CAPN5: variants seen among roughly 807,000 people sequenced by gnomAD.
CAPN5 encodes calpain-5.
A neutral mutation model predicts 73.0 loss-of-function variants in CAPN5; 54 were observed. That is an observed-to-expected ratio of 0.74 (90% confidence interval 0.59 to 0.93). The LOEUF (loss-of-function observed/expected upper bound fraction) is 0.93. Ranked by LOEUF, CAPN5 falls within the 40% of genes least tolerant of loss-of-function variation. CAPN5 has a pLI of 0.00. For synonymous variants in CAPN5, 335 were observed against 356.9 expected (o/e 0.94, Z 0.69); for missense variants, 785 against 882.9 (o/e 0.89, Z 1.41).
intron 8 of CAPN5, among the ~76,000 whole-genome samples, 173 bp downstream of exon 8, chr11:77,118,525 A>C (rs542475556): frequency 1.3e-5 from 2 of 152,330 alleles, no homozygotes; most frequent in Non-Finnish European, 2.9e-5. Context: ...TCTGGGGGTC[A>C]TGAAGCCCCC....
At chr11:77,101,922 G>T (rs7943158) in intron 3 of CAPN5, among the ~76,000 whole-genome samples, 26,384 of 152,202 alleles carry the variant, frequency 0.17, 2,657 homozygotes, top group South Asian at 0.32. Flanking sequence ...AGTAAGTGGT[G>T]GGATTTGGGT....
chr11:77,081,454 C>T (rs10160739), intron 1 of CAPN5, among the ~76,000 whole-genome samples: 5 of 152,210 alleles, frequency 3.3e-5, no homozygotes, highest in Non-Finnish European at 5.9e-5. Flanking sequence ...GGTAGCCCCC[C>T]CATACCTGGC....
chr11:77,088,168 GGA>G, intron 2 of CAPN5: 1 of 1,211,562 alleles, frequency 8.3e-7, no homozygotes, highest in Non-Finnish European at 1.1e-6. Context: ...AATGCACAGG[GGA>G]CAAGGTGGGG....
Position 77,093,749 on chromosome 11 carries a change from TG to T in CAPN5, c.236del (p.Gly79AlafsTer84). ...TCCCACGACCTGCACCAGGGCCAGG[TG>T]GGCAACTGCTGGTTTGTGGCAGCCT... ...ISSHDLHQGQ[V>X]GNCWFVAACS... On this transcript the variant is annotated frameshift_variant, in exon 3 of 13. Coordinates refer to ENST00000648180, the MANE Select transcript of CAPN5 (RefSeq NM_004055.5). LOFTEE classifies it high-confidence loss of function. 6.2e-7 allele frequency: 1 copy of T among 1,612,354 alleles called. No individual in the cohort carries two copies.
intron 1 of CAPN5, among the ~76,000 whole-genome samples, chr11:77,068,976 CTCTG>C (rs1334308879): frequency 6.6e-6 from 1 of 152,150 alleles, no homozygotes; most frequent in East Asian, 1.9e-4. Flanking sequence ...CCAGCACTGT[CTCTG>C]TCTGCTTCTG....
chr11:77,107,033 C>G (rs1020473964), intron 3 of CAPN5, among the ~76,000 whole-genome samples: 2 of 152,214 alleles, frequency 1.3e-5, no homozygotes, highest in African/African-American at 4.8e-5. Context: ...CCTGCCCGGT[C>G]TCAGCCACCC....
At chr11:77,121,352 T>C (rs1950518699) in intron 10 of CAPN5, among the ~76,000 whole-genome samples, 1 of 152,234 alleles carries the variant, frequency 6.6e-6, no homozygotes, top group African/African-American at 2.4e-5. Context: ...TGGGCTCCAG[T>C]GGACTGCTGA....
intron 12 of CAPN5, 122 bp downstream of exon 12, chr11:77,122,834 C>CT: frequency 1.6e-6 from 2 of 1,245,206 alleles, no homozygotes; most frequent in East Asian, 4.8e-5. Flanking sequence ...CTCTAGCTGT[C>CT]TGTCTATCCC....
rs1208645502 is a variant in CAPN5 at position 77,074,841 on chromosome 11, C to A, written c.-36+7747C>A. ...GGCAGTGGAGCACAGGAGAAGGACCCTCAGCAGGCATTCCTGCATTCTCCC... is the reference window on the plus strand; with the variant it reads ...GGCAGTGGAGCACAGGAGAAGGACCATCAGCAGGCATTCCTGCATTCTCCC... On this transcript the variant is annotated intron_variant, in intron 1 of 12. Transcript: ENST00000648180. Among the ~76,000 whole-genome samples, 6 of 152,306 alleles carry A rather than the reference C, an allele frequency of 3.9e-5. No individual in the cohort carries two copies. The East Asian group carries it at 1.2e-3, about 29-fold the overall frequency.
intron 1 of CAPN5, among the ~76,000 whole-genome samples, chr11:77,080,148 T>C (rs1555034419): frequency 1.3e-5 from 2 of 152,228 alleles, no homozygotes; most frequent in Non-Finnish European, 2.9e-5. Context: ...TTTTGTCATA[T>C]ATCAGGTGTC....
intron 3 of CAPN5, among the ~76,000 whole-genome samples, chr11:77,095,837 C>T (rs1233688722): frequency 5.3e-5 from 8 of 152,202 alleles, no homozygotes; most frequent in Non-Finnish European, 8.8e-5. Context: ...CCAAAGGTTC[C>T]TATTGCAGGG....
At chr11:77,122,278 G>T (rs1446323865) in intron 11 of CAPN5, among the ~76,000 whole-genome samples, 1 of 152,214 alleles carries the variant, frequency 6.6e-6, no homozygotes, top group Non-Finnish European at 1.5e-5. Flanking sequence ...TTCCTGGAGG[G>T]AGTGGCCTTT....
At chr11:77,087,396 G>T (rs1376533763) in intron 2 of CAPN5, among the ~76,000 whole-genome samples, 2 of 152,164 alleles carry the variant, frequency 1.3e-5, no homozygotes, top group Non-Finnish European at 2.9e-5. Flanking sequence ...ACCTGTGACC[G>T]CCTGTTTACA....
At chr11:77,103,411 G>A in intron 3 of CAPN5, 18 of 1,506,318 alleles carry the variant, frequency 1.2e-5, no homozygotes, top group Non-Finnish European at 1.6e-5. Flanking sequence ...TGTATTTTTG[G>A]GGCCATTATT....
intron 3 of CAPN5, among the ~76,000 whole-genome samples, chr11:77,104,410 G>A (rs1269097920): frequency 6.6e-6 from 1 of 152,202 alleles, no homozygotes; most frequent in East Asian, 1.9e-4. Context: ...TGCAGCTGAG[G>A]GGGGCAGGGC....
chr11:77,071,563 G>T, intron 1 of CAPN5: 1 of 435,502 alleles, frequency 2.3e-6, no homozygotes, highest in South Asian at 1.6e-5. Context: ...TGTGGGGTCA[G>T]GTGAACAGGC....
In CAPN5 at chr11:77,069,758, G is replaced by A. The variant is rs368024103; in HGVS notation, c.-36+2664G>A. On this transcript the variant is annotated intron_variant, in intron 1 of 12. Coordinates refer to ENST00000648180, the MANE Select transcript of CAPN5 (RefSeq NM_004055.5). ...TTCAAGTGTTTTGAGTGCCTTCAGAGCCCCTCCCAGGCACCTCTCAAGTGC... is the reference window on the plus strand; with the variant it reads ...TTCAAGTGTTTTGAGTGCCTTCAGAACCCCTCCCAGGCACCTCTCAAGTGC... 9.9e-5 allele frequency among the ~76,000 whole-genome samples: 15 copies of A among 152,256 alleles called. No homozygotes were observed. In the South Asian group the frequency reaches 2.7e-3, roughly 27 times the overall value.
At chr11:77,084,065 G>T (rs1246048218) in intron 1 of CAPN5, among the ~76,000 whole-genome samples, 4 of 152,212 alleles carry the variant, frequency 2.6e-5, no homozygotes, top group African/African-American at 9.7e-5. Flanking sequence ...GGTCACTCAG[G>T]TGCTTGGCCG....
chr11:77,081,969 C>G (rs531464801), intron 1 of CAPN5, among the ~76,000 whole-genome samples: 14 of 152,090 alleles, frequency 9.2e-5, no homozygotes, highest in Admixed American at 1.3e-4. Context: ...TTGGTTCATG[C>G]AACATAACTC....
Sources: allele counts gnomAD v4.1 joint callset (sites outside exome capture counted in the v4.1 genomes callset), GRCh38; gene constraint gnomAD v4.1.1; transcripts MANE v1.5; gene names NCBI Gene and HGNC (gene_info 2026-07-23, HGNC 2026-07-21).